MGAT5: variants seen among roughly 807,000 people sequenced by gnomAD.
MGAT5 encodes alpha-1,6-mannosylglycoprotein 6-beta-N-acetylglucosaminyltransferase, also known as alpha-1,6-mannosylglycoprotein 6-beta-N-acetylglucosaminyltransferase A.
A neutral mutation model predicts 94.3 loss-of-function variants in MGAT5; 30 were observed. The ratio of observed to expected loss-of-function variants is 0.32; its 90% CI spans 0.24 to 0.43. The LOEUF is 0.43. MGAT5 is among the 20% of genes least tolerant of loss of function. The pLI is 1.00. For missense variants in MGAT5, 691 were observed against 905.5 expected, an observed-to-expected ratio of 0.76 and a Z score of 3.04; for synonymous variants, 310 against 322.9, an observed-to-expected ratio of 0.96 and a Z score of 0.43.
intron 6 of MGAT5, among the ~76,000 whole-genome samples, chr2:134,341,299 C>A (rs1006094068): frequency 6.6e-6 from 1 of 152,120 alleles, no homozygotes; most frequent in African/African-American, 2.4e-5. Context: ...TCCTGTCTTA[C>A]CTTCCTTTAA....
intron 1 of MGAT5, among the ~76,000 whole-genome samples, chr2:134,128,406 A>G (rs1011467010): frequency 2.0e-5 from 3 of 152,154 alleles, no homozygotes; most frequent in Non-Finnish European, 2.9e-5. Context: ...CAGCTTGTTA[A>G]GTAGTATAGG....
chr2:134,261,843 C>T (rs1021593445), intron 1 of MGAT5, among the ~76,000 whole-genome samples: 5 of 152,184 alleles, frequency 3.3e-5, no homozygotes, highest in Non-Finnish European at 7.3e-5. Flanking sequence ...CTCTGTGATG[C>T]TCTGTGTGGT....
chr2:134,243,885 G>A (rs1682097522), intron 1 of MGAT5, among the ~76,000 whole-genome samples: 4 of 152,140 alleles, frequency 2.6e-5, no homozygotes, highest in Admixed American at 1.3e-4. Flanking sequence ...GGGCTGGAGG[G>A]CTTAGGAAGC....
At chr2:134,271,959 T>C (rs1370524092) in intron 2 of MGAT5, among the ~76,000 whole-genome samples, 1 of 152,216 alleles carries the variant, frequency 6.6e-6, no homozygotes, top group Non-Finnish European at 1.5e-5. Context: ...GTGTCATATT[T>C]CTGGAGGTGG....
chr2:134,299,200 C>G (rs1208887046), intron 2 of MGAT5, among the ~76,000 whole-genome samples: 1 of 152,188 alleles, frequency 6.6e-6, no homozygotes, highest in East Asian at 1.9e-4. Context: ...TGACACATGG[C>G]CACTGACTTT....
intron 1 of MGAT5, among the ~76,000 whole-genome samples, chr2:134,204,598 A>T (rs1170227204): frequency 6.6e-6 from 1 of 152,072 alleles, no homozygotes; most frequent in African/African-American, 2.4e-5. Context: ...GGGAGTGAGA[A>T]TGAAGGGCAG....
At chr2:134,257,405 A>G (rs1683037521) in intron 1 of MGAT5, among the ~76,000 whole-genome samples, 1 of 152,116 alleles carries the variant, frequency 6.6e-6, no homozygotes, top group African/African-American at 2.4e-5. Flanking sequence ...TGTTTTTAGT[A>G]GATACGGGGT....
In MGAT5 at chr2:134,441,802, A is replaced by G; in HGVS notation, c.1914A>G (p.Leu638=). The G allele has an allele frequency of 6.2e-7, 1 of 1,614,050 alleles. No homozygotes were observed. The highest frequency in any genetic ancestry group is 1.1e-5 in the South Asian group (1 of 91,082). ...GQVMWPPLSA[L]QVKLAEPGQS... is the part of the protein sequence containing the mutation. Reference sequence around the variant, plus strand: ...TGATGTGGCCACCCCTCAGCGCCCTACAGGTCAAGCTTGCTGAGCCCGGGC... The same window carrying G: ...TGATGTGGCCACCCCTCAGCGCCCTGCAGGTCAAGCTTGCTGAGCCCGGGC... Residue 638 remains leucine, a synonymous_variant, in exon 15 of 16, where the codon CTA becomes CTG. Coordinates refer to ENST00000281923, the MANE Select transcript of MGAT5 (RefSeq NM_002410.5).
intron 1 of MGAT5, among the ~76,000 whole-genome samples, chr2:134,262,897 T>C (rs775378170): frequency 9.2e-5 from 14 of 152,212 alleles, no homozygotes; most frequent in Non-Finnish European, 1.8e-4. Flanking sequence ...TATGCTCTGT[T>C]TCAGAAGAGG....
At chr2:134,225,076 A>G (rs11692334) in intron 1 of MGAT5, among the ~76,000 whole-genome samples, 1 of 85,834 alleles carries the variant, frequency 1.2e-5, no homozygotes, top group Non-Finnish European at 2.3e-5. Flanking sequence ...ACCCTGTCTC[A>G]CAAAAAAAAA....
chr2:134,325,787 T>G (rs1353470308), intron 4 of MGAT5, among the ~76,000 whole-genome samples: 1 of 152,120 alleles, frequency 6.6e-6, no homozygotes, highest in Non-Finnish European at 1.5e-5. Context: ...CTCTTCCGTC[T>G]CTTACTTTTC....
chr2:134,356,077 TTAAG>T (rs1239411295), intron 9 of MGAT5, among the ~76,000 whole-genome samples: 1 of 152,224 alleles, frequency 6.6e-6, no homozygotes, highest in East Asian at 1.9e-4. Flanking sequence ...CGTGTATGTG[TTAAG>T]TACCTGCAAC....
At chr2:134,437,924 A>G (rs1320279532) in intron 14 of MGAT5, among the ~76,000 whole-genome samples, 2 of 152,008 alleles carry the variant, frequency 1.3e-5, no homozygotes, top group South Asian at 4.2e-4. Context: ...CTGAGGCAGG[A>G]GAATCACATG....
chr2:134,320,854 T>C (rs915815720), intron 4 of MGAT5, among the ~76,000 whole-genome samples: 28 of 152,206 alleles, frequency 1.8e-4, no homozygotes, highest in African/African-American at 6.5e-4. Flanking sequence ...TCTCTCAGAC[T>C]ATTACTTCTT....
At chr2:134,148,825 C>A (rs1007225209) in intron 1 of MGAT5, among the ~76,000 whole-genome samples, 38 of 127,720 alleles carry the variant, frequency 3.0e-4, no homozygotes, top group African/African-American at 1.2e-3. Context: ...GTAGTGTGAT[C>A]TCGGCTCACC....
intron 2 of MGAT5, among the ~76,000 whole-genome samples, chr2:134,290,608 A>G (rs1052282655): frequency 1.3e-5 from 2 of 152,186 alleles, no homozygotes; most frequent in Non-Finnish European, 2.9e-5. Flanking sequence ...TGCATCCTCC[A>G]TGGCTGGTTT....
At chr2:134,302,727 TG>T (rs1686098454) in intron 2 of MGAT5, among the ~76,000 whole-genome samples, 1 of 71,066 alleles carries the variant, frequency 1.4e-5, no homozygotes, top group African/African-American at 4.3e-5. Context: ...TGTGTGTGTG[TG>T]TGTGTGTGTG....
At chr2:134,300,099 G>C (rs1018945032) in intron 2 of MGAT5, among the ~76,000 whole-genome samples, 1 of 152,122 alleles carries the variant, frequency 6.6e-6, no homozygotes. Flanking sequence ...TACACTGTTG[G>C]TTGTTCAGTA....
chr2:134,331,361 T>C (rs1177926573), intron 4 of MGAT5, among the ~76,000 whole-genome samples: 1 of 152,156 alleles, frequency 6.6e-6, no homozygotes, highest in East Asian at 1.9e-4. Flanking sequence ...TCTCTTCATT[T>C]TGTGGCCTGA....
Sources: allele counts gnomAD v4.1 joint callset (sites outside exome capture counted in the v4.1 genomes callset), GRCh38; gene constraint gnomAD v4.1.1; transcripts MANE v1.5; gene names NCBI Gene and HGNC (gene_info 2026-07-23, HGNC 2026-07-21).